The following RETREG1 variants were observed in gnomAD, a reference collection of about 807,000 sequenced individuals.
The protein encoded by RETREG1 is family with sequence similarity 134 member B.
A neutral mutation model predicts 54.8 loss-of-function variants in RETREG1; 44 were observed. The ratio of observed to expected loss-of-function variants is 0.80; its 90% CI spans 0.63 to 1.03. RETREG1 has a LOEUF of 1.03. Among genes scored for constraint, RETREG1 ranks in the 50% least tolerant of loss-of-function variants. The probability of loss-of-function intolerance (pLI) is 0.00; values close to 1 mark genes in which losing one functional copy is unlikely to be tolerated. For missense variants in RETREG1, 554 were observed against 605.1 expected, an observed-to-expected ratio of 0.92 and a Z score of 0.89; for synonymous variants, 217 against 238.5, an observed-to-expected ratio of 0.91 and a Z score of 0.83.
intron 3 of RETREG1, among the ~76,000 whole-genome samples, chr5:16,523,948 C>G (rs1740618408): frequency 6.6e-6 from 1 of 152,106 alleles, no homozygotes; most frequent in South Asian, 2.1e-4. Flanking sequence ...CCTCCAACCC[C>G]AGGCGATTTG....
chr5:16,591,379 A>T (rs1286718223), intron 1 of RETREG1, among the ~76,000 whole-genome samples: 1 of 152,216 alleles, frequency 6.6e-6, no homozygotes, highest in Non-Finnish European at 1.5e-5. Flanking sequence ...TAACCACCCC[A>T]TGCTGACTCT....
intron 3 of RETREG1, 108 bp downstream of exon 3, chr5:16,565,655 A>G (rs1741984560): frequency 2.5e-6 from 3 of 1,205,784 alleles, no homozygotes; most frequent in South Asian, 2.5e-5. Flanking sequence ...TTACTCTTGG[A>G]TTTAGATTCC....
At chr5:16,545,138 A>C (rs564567133) in intron 3 of RETREG1, among the ~76,000 whole-genome samples, 9 of 152,202 alleles carry the variant, frequency 5.9e-5, no homozygotes, top group Non-Finnish European at 1.2e-4. Context: ...GAGTCCTGTG[A>C]ATCAGGGCTA....
chr5:16,509,146 G>T, intron 3 of RETREG1: 1 of 502,666 alleles, frequency 2.0e-6, no homozygotes, highest in Non-Finnish European at 2.6e-6. Flanking sequence ...TCAAGTCACA[G>T]GAGGGAGTTG....
intron 3 of RETREG1, among the ~76,000 whole-genome samples, chr5:16,484,626 A>G (rs1188666206): frequency 2.6e-5 from 4 of 152,232 alleles, no homozygotes; most frequent in Admixed American, 2.6e-4. Context: ...AAGTTTATGT[A>G]CATACAGATT....
chr5:16,490,873 T>C (rs1397567722), intron 3 of RETREG1, among the ~76,000 whole-genome samples: 1 of 152,174 alleles, frequency 6.6e-6, no homozygotes, highest in African/African-American at 2.4e-5. Flanking sequence ...AATGCCAAGC[T>C]ACACAAATAG....
intron 5 of RETREG1, among the ~76,000 whole-genome samples, chr5:16,480,241 A>T (rs1301034262): frequency 6.6e-6 from 1 of 152,030 alleles, no homozygotes; most frequent in Admixed American, 6.6e-5. Context: ...AAATGGAATC[A>T]CACTTTTTCA....
At chr5:16,477,567 T>C (rs1196833333) in intron 8 of RETREG1, 95 bp downstream of exon 8, 23 of 1,088,148 alleles carry the variant, frequency 2.1e-5, no homozygotes, top group Non-Finnish European at 3.2e-5. Context: ...GTAGATATGG[T>C]GGTAACATGT....
At chr5:16,578,791 A>G (rs143881251) in intron 1 of RETREG1, among the ~76,000 whole-genome samples, 278 of 152,360 alleles carry the variant, frequency 1.8e-3, no homozygotes, top group African/African-American at 6.2e-3. Flanking sequence ...ACACTGGGCT[A>G]GCTGCTGGGA....
At chr5:16,512,127 C>G (rs948778739) in intron 3 of RETREG1, among the ~76,000 whole-genome samples, 1 of 152,202 alleles carries the variant, frequency 6.6e-6, no homozygotes, top group African/African-American at 2.4e-5. Context: ...AGGTGCTAAG[C>G]GTTTCCTCAC....
rs895437627 is a variant in RETREG1, at chr5:16,597,230, G to C, written c.320+19422C>G. Among the ~76,000 whole-genome samples the C allele has an allele frequency of 3.3e-5, 5 of 152,214 alleles. No homozygotes were observed. Among genetic ancestry groups the C allele is most frequent in the Non-Finnish European group, 7.3e-5 (5 of 68,036 alleles). On this transcript the variant is annotated intron_variant, in intron 1 of 8. Coordinates refer to ENST00000306320, the MANE Select transcript of RETREG1 (RefSeq NM_001034850.3). This position sits in a 1 kb window ranked among gnomAD's most constrained non-coding sequence, Gnocchi z 4.3. ...AGTCACCTGACTTCTCTGTGCCTCAGTGTCATTGTGAATATTAGTAACGAC... is the reference window on the plus strand; with the variant it reads ...AGTCACCTGACTTCTCTGTGCCTCACTGTCATTGTGAATATTAGTAACGAC...
At chr5:16,502,210 G>A (rs1037739565) in intron 3 of RETREG1, among the ~76,000 whole-genome samples, 3 of 151,636 alleles carry the variant, frequency 2.0e-5, no homozygotes, top group Non-Finnish European at 2.9e-5. Context: ...CACCCACCTC[G>A]GCCTCCCAAA....
At chr5:16,508,139 A>G (rs1159271379) in intron 3 of RETREG1, among the ~76,000 whole-genome samples, 1 of 152,260 alleles carries the variant, frequency 6.6e-6, no homozygotes, top group Non-Finnish European at 1.5e-5. Flanking sequence ...AAAGTTTTAC[A>G]ATATCAAAAT....
chr5:16,569,671 A>T (rs1742119732), intron 2 of RETREG1, among the ~76,000 whole-genome samples: 1 of 152,196 alleles, frequency 6.6e-6, no homozygotes, highest in Non-Finnish European at 1.5e-5. Flanking sequence ...ATGGTATAGG[A>T]GGCTGACTCA....
In RETREG1 at chr5:16,543,675, CAA is replaced by C. The variant is rs758476063; in HGVS notation, c.458+22086_458+22087del. ...GGGGCGACAGGGAGAGACAACATCT[CAA>C]AAAAAAAAAAAAAACTGCCAAACTG... is the stretch of plus-strand genomic sequence containing the variant. On this transcript the variant is annotated intron_variant, in intron 3 of 8. Coordinates refer to ENST00000306320, the MANE Select transcript of RETREG1 (RefSeq NM_001034850.3). Among the ~76,000 whole-genome samples the C allele has an allele frequency of 9.9e-5, 7 of 70,396 alleles. No homozygotes were observed. The East Asian group carries it at 2.5e-3, about 25-fold the overall frequency. 46.2% of individuals were successfully genotyped at this position (70,396 alleles called of 152,430 possible). A position where few individuals can be genotyped will look rare whatever the true frequency, so the allele number is the denominator to read the frequency against.
intron 1 of RETREG1, among the ~76,000 whole-genome samples, chr5:16,574,714 CT>C (rs1742277202): frequency 6.6e-6 from 1 of 152,168 alleles, no homozygotes. Context: ...CCCAGGCCCC[CT>C]GAAACAGGTG....
Position 16,616,948 on chromosome 5 carries a change from C to T in RETREG1, c.24G>A (p.Glu8=), listed in dbSNP as rs1743538428. 6 of 1,448,660 alleles carry T rather than the reference C, an allele frequency of 4.1e-6. No homozygotes were observed. In the East Asian group the frequency reaches 9.0e-5, roughly 22 times the overall value. 89.7% of individuals were successfully genotyped at this position (1,448,660 alleles called of 1,614,324 possible). A position where few individuals can be genotyped will look rare whatever the true frequency, so the allele number is the denominator to read the frequency against. MASPAPP[E]HAEEGCPAPA... ...GAGCCGGGCATCCCTCCTCGGCGTG[C>T]TCCGGAGGCGCCGGGCTCGCCATCT... The change falls in exon 1 of 9, where the codon GAG becomes GAA. Residue 8 remains glutamate (E), a synonymous_variant. Coordinates refer to ENST00000306320, the MANE Select transcript of RETREG1 (RefSeq NM_001034850.3).
intron 3 of RETREG1, among the ~76,000 whole-genome samples, chr5:16,543,748 T>C (rs1486303949): frequency 6.6e-6 from 1 of 151,586 alleles, no homozygotes; most frequent in African/African-American, 2.4e-5. Context: ...TCACCAGCAA[T>C]ATATAAGAAG....
chr5:16,506,628 C>T (rs1284711675), intron 3 of RETREG1, among the ~76,000 whole-genome samples: 1 of 152,100 alleles, frequency 6.6e-6, no homozygotes, highest in Admixed American at 6.5e-5. Context: ...CCAAGGGATC[C>T]TCCTGCCTTG....
Sources: allele counts gnomAD v4.1 joint callset (sites outside exome capture counted in the v4.1 genomes callset), GRCh38; gene constraint gnomAD v4.1.1; non-coding constraint Gnocchi (gnomAD v3.1); transcripts MANE v1.5; gene names NCBI Gene and HGNC (gene_info 2026-07-23, HGNC 2026-07-21).